The following YBX1 variants were observed in gnomAD, a reference collection of about 807,000 sequenced individuals.
YBX1 encodes the protein Y-box binding protein 1.
Under a neutral mutation model 41.4 loss-of-function variants are expected in YBX1, and 3 were observed. The ratio of observed to expected loss-of-function variants is 0.07; its 90% CI spans 0.03 to 0.19. YBX1 has a LOEUF of 0.19. Among genes scored for constraint, YBX1 ranks in the 10% least tolerant of loss-of-function variants. The pLI is 1.00. For missense variants in YBX1, 274 were observed against 462.8 expected, an observed-to-expected ratio of 0.59 and a Z score of 3.74; for synonymous variants, 133 against 165.8, an observed-to-expected ratio of 0.80 and a Z score of 1.52.
Position 42,682,744 on chromosome 1 carries a change from C to T in YBX1, c.166+13C>T. The T allele has an allele frequency of 8.2e-7, 1 of 1,219,980 alleles. No individual in the cohort carries two copies. Among genetic ancestry groups the T allele is most frequent in the Non-Finnish European group, 1.0e-6 (1 of 981,794 alleles). 75.6% of individuals were successfully genotyped at this position (1,219,980 alleles called of 1,614,324 possible). A position where few individuals can be genotyped will look rare whatever the true frequency, so the allele number is the denominator to read the frequency against. On this transcript the variant is annotated intron_variant, in intron 1 of 7. Transcript: ENST00000321358. Reference sequence around the variant, plus strand: ...AAGAAGGTCATCGGTGAGGACCGGACAGGGACGGGGGTGGGGCCCTCGGGC... The same window carrying T: ...AAGAAGGTCATCGGTGAGGACCGGATAGGGACGGGGGTGGGGCCCTCGGGC...
Position 42,696,376 on chromosome 1 carries a change from T to C in YBX1, c.354+88T>C. On this transcript the variant is annotated intron_variant, in intron 4 of 7. Coordinates refer to ENST00000321358, the MANE Select transcript of YBX1 (RefSeq NM_004559.5). The surrounding 1 kb of genome is among the most constrained non-coding windows in gnomAD (Gnocchi z 5.7). ...ATTAGGATGGTGGCTCTAATGTGGA[T>C]GGATGTGTTCAGGTGACCTCATGAA... The C allele has an allele frequency of 7.2e-7, 1 of 1,387,644 alleles. No individual in the cohort carries two copies. Among genetic ancestry groups the C allele is most frequent in the Non-Finnish European group, 1.0e-6 (1 of 996,136 alleles). The allele number at this position is 1,387,644 out of a possible 1,614,324, so 86.0% of individuals were successfully genotyped here.
chr1:42,698,481 A>C (rs1650515457), intron 6 of YBX1, among the ~76,000 whole-genome samples: 1 of 152,218 alleles, frequency 6.6e-6, no homozygotes, highest in Non-Finnish European at 1.5e-5. Flanking sequence ...ATAGCCTCTC[A>C]TGGCAGTCCA....
chr1:42,688,049 G>C lies in YBX1; in HGVS notation c.230+4583G>C, dbSNP rs778066826. Among the ~76,000 whole-genome samples the C allele has an allele frequency of 9.2e-5, 14 of 152,118 alleles. 2 individuals are homozygous for C. Among genetic ancestry groups the C allele is most frequent in the Admixed American group, 5.2e-4 (8 of 15,270 alleles). ...TGGTTATATTAACCATTGATCTTAAGCTGGCAAGAAGTCATCCGTGTTCAC... is the reference window on the plus strand; with the variant it reads ...TGGTTATATTAACCATTGATCTTAACCTGGCAAGAAGTCATCCGTGTTCAC... On this transcript the variant is annotated intron_variant, in intron 2 of 7. Transcript: ENST00000321358.
rs1367537880 is a variant in YBX1 at position 42,696,064 on chromosome 1, T to C, written c.265-135T>C. On this transcript the variant is annotated intron_variant, in intron 3 of 7. Coordinates refer to ENST00000321358, the MANE Select transcript of YBX1 (RefSeq NM_004559.5). The surrounding 1 kb of genome is among the most constrained non-coding windows in gnomAD (Gnocchi z 5.7). ...TGTGGTCCCCGCTTTCCTAAATTTATTGATGGTTTGGTCTTATTTAAAGCA... is the reference window on the plus strand; with the variant it reads ...TGTGGTCCCCGCTTTCCTAAATTTACTGATGGTTTGGTCTTATTTAAAGCA... The C allele has an allele frequency of 1.5e-6, 1 of 647,000 alleles. No homozygotes were observed. The highest frequency in any genetic ancestry group is 2.4e-6 in the Non-Finnish European group (1 of 415,644). 40.1% of individuals were successfully genotyped at this position (647,000 alleles called of 1,614,324 possible).
chr1:42,682,818 G>C (rs1650070754), intron 1 of YBX1, 87 bp downstream of exon 1: 3 of 910,230 alleles, frequency 3.3e-6, no homozygotes, highest in Admixed American at 4.7e-5. Flanking sequence ...CGGCGGGCGC[G>C]CGGCCGGTGG....
At chr1:42,697,010 A>G (rs1055246022) in intron 5 of YBX1, 66 bp downstream of exon 5, 1 of 1,487,524 alleles carries the variant, frequency 6.7e-7, no homozygotes, top group Non-Finnish European at 8.9e-7. Flanking sequence ...GCTGTTAATT[A>G]TATGGAAAGC....
At chr1:42,698,339 A>G (rs1345620493) in intron 6 of YBX1, among the ~76,000 whole-genome samples, 1 of 152,202 alleles carries the variant, frequency 6.6e-6, no homozygotes, top group Non-Finnish European at 1.5e-5. Flanking sequence ...TTTTCAGTTA[A>G]AAGAGCTGAG....
rs1650661849 is a variant in YBX1 at position 42,703,579 on chromosome 1, A to G, written c.*1630A>G. On this transcript the variant is annotated 3_prime_UTR_variant, in exon 8 of 8. Transcript: ENST00000321358. ...GAAAATACTGTGTTGGCAAGAGTGC[A>G]GTGGACCTGAAACTTCAACTGTTGG... is the stretch of plus-strand genomic sequence containing the variant. 6.6e-6 allele frequency among the ~76,000 whole-genome samples: 1 copy of G among 152,180 alleles called. No individual in the cohort carries two copies. The highest frequency in any genetic ancestry group is 6.5e-5 in the Admixed American group (1 of 15,278).
rs955767826 is a variant in YBX1, at chr1:42,696,512, C to CG, written c.355-130_355-129insG. 55 of 290,464 alleles carry CG rather than the reference C, an allele frequency of 1.9e-4. 1 individual carries two copies. The highest frequency in any genetic ancestry group is 2.6e-4 in the African/African-American group (4 of 15,122). The allele number at this position is 290,464 out of a possible 1,614,324, so 18.0% of individuals were successfully genotyped here. A position where few individuals can be genotyped will look rare whatever the true frequency, so the allele number is the denominator to read the frequency against. On this transcript the variant is annotated intron_variant, in intron 4 of 7. Transcript: ENST00000321358. The surrounding 1 kb of genome is among the most constrained non-coding windows in gnomAD (Gnocchi z 5.7). ...GTGCACCCCTGGTCACGCAGTTGCG[C>CG]CCCCCCCCCCTTTTTTTTCCTTAAC...
intron 1 of YBX1, 100 bp from the exon 2 acceptor site, chr1:42,683,303 C>G (rs1417432430): frequency 1.4e-6 from 2 of 1,428,476 alleles, no homozygotes; most frequent in Non-Finnish European, 2.0e-6. Context: ...GTCAGGTGGC[C>G]GCGGCGGCCG....
Position 42,696,349 on chromosome 1 carries a change from C to A in YBX1, c.354+61C>A. ...TATGGAAATATTTTGGAGGTCTCAT[C>A]CATTAGGATGGTGGCTCTAATGTGG... On this transcript the variant is annotated intron_variant, in intron 4 of 7. Transcript: ENST00000321358. The surrounding 1 kb of genome is among the most constrained non-coding windows in gnomAD (Gnocchi z 5.7). The A allele has an allele frequency of 6.5e-7, 1 of 1,541,688 alleles. No homozygotes were observed. The highest frequency in any genetic ancestry group is 1.2e-5 in the South Asian group (1 of 86,290).
Position 42,682,721 on chromosome 1 carries a change from G to C in YBX1, c.156G>C (p.Lys52Asn), listed in dbSNP as rs1394334981. 4.8e-6 allele frequency: 6 copies of C among 1,244,666 alleles called. No homozygotes were observed. The African/African-American group carries it at 6.3e-5, about 13-fold the overall frequency. 77.1% of individuals were successfully genotyped at this position (1,244,666 alleles called of 1,614,324 possible). A position where few individuals can be genotyped will look rare whatever the true frequency, so the allele number is the denominator to read the frequency against. Residue 52 changes from lysine to asparagine, a missense_variant, in exon 1 of 8, where the codon AAG becomes AAC. Physicochemically the swap from Lys to Asn is moderately conservative, Grantham distance 94 (BLOSUM62 0). Around this residue, in one of 3 missense-constraint regions of YBX1, gnomAD observed 84 missense variants for 130.8 expected, o/e 0.64. Coordinates refer to ENST00000321358, the MANE Select transcript of YBX1 (RefSeq NM_004559.5). ...CGGCGGCGCCTGCCGGCGGGGACAA[G>C]AAGGTCATCGGTGAGGACCGGACAG... ...LTSAAPAGGD[K>N]KVIATKVLGT... is the part of the protein sequence containing the mutation.
chr1:42,683,116 G>T, intron 1 of YBX1: 1 of 593,640 alleles, frequency 1.7e-6, no homozygotes, highest in Non-Finnish European at 3.1e-6. Flanking sequence ...CGCCTACGCA[G>T]GCCGGAGCGG....
intron 2 of YBX1, among the ~76,000 whole-genome samples, chr1:42,684,905 T>A (rs1453016332): frequency 1.3e-5 from 2 of 152,208 alleles, no homozygotes; most frequent in African/African-American, 4.8e-5. Flanking sequence ...TAAGTGTGCT[T>A]ACCTTGGGAG....
intron 2 of YBX1, among the ~76,000 whole-genome samples, chr1:42,684,844 TACTC>T (rs1650154034): frequency 6.6e-6 from 1 of 152,258 alleles, no homozygotes; most frequent in African/African-American, 2.4e-5. Context: ...ATTTCTGTCT[TACTC>T]TGATTATCGT....
In YBX1 at chr1:42,703,036, C is replaced by T. The variant is rs781742705; in HGVS notation, c.*1087C>T. Among the ~76,000 whole-genome samples the T allele has an allele frequency of 9.2e-5, 14 of 152,280 alleles. No individual in the cohort carries two copies. The highest frequency in any genetic ancestry group is 2.1e-4 in the South Asian group (1 of 4,816). ...CCACCTCTAGGTTTAAGCGATTCTCCTGCCTCGGCCACCTTAGTAGCTGGG... is the reference window on the plus strand; with the variant it reads ...CCACCTCTAGGTTTAAGCGATTCTCTTGCCTCGGCCACCTTAGTAGCTGGG... On this transcript the variant is annotated 3_prime_UTR_variant, in exon 8 of 8. Coordinates refer to ENST00000321358, the MANE Select transcript of YBX1 (RefSeq NM_004559.5).
intron 6 of YBX1, among the ~76,000 whole-genome samples, chr1:42,699,099 C>T (rs759062720): frequency 6.6e-6 from 1 of 152,056 alleles, no homozygotes; most frequent in South Asian, 2.1e-4. Flanking sequence ...GAAATGCAAT[C>T]CAGGATAACA....
chr1:42,683,233 C>G, intron 1 of YBX1, 170 bp from the exon 2 acceptor site: 1 of 775,696 alleles, frequency 1.3e-6, no homozygotes, highest in East Asian at 2.7e-5. Context: ...GACTCACCCA[C>G]GTGTGCGGCG....
intron 3 of YBX1, among the ~76,000 whole-genome samples, chr1:42,694,624 TTGA>T (rs1469956459): frequency 6.6e-6 from 1 of 152,196 alleles, no homozygotes. Context: ...TACACAGTAT[TTGA>T]TGACAAGGAG....
Sources: allele counts gnomAD v4.1 joint callset (sites outside exome capture counted in the v4.1 genomes callset), GRCh38; gene constraint gnomAD v4.1.1; regional missense constraint gnomAD v4.1.1; non-coding constraint Gnocchi (gnomAD v3.1); transcripts MANE v1.5; gene names NCBI Gene and HGNC (gene_info 2026-07-23, HGNC 2026-07-21).